Variants in BRWD1 observed in about 807,000 individuals in gnomAD.
The protein encoded by BRWD1 is bromodomain and WD repeat-containing protein 1.
Under a neutral mutation model 251.2 loss-of-function variants are expected in BRWD1, and 82 were observed. The observed-to-expected ratio is 0.33, with a 90% confidence interval of 0.27 to 0.39. The LOEUF is 0.39. Among genes scored for constraint, BRWD1 ranks in the 10% least tolerant of loss-of-function variants. BRWD1 has a pLI of 1.00. For synonymous variants in BRWD1, 918 were observed against 902.8 expected, an observed-to-expected ratio of 1.02 and a Z score of -0.30; for missense variants, 2,233 against 2,711.6, an observed-to-expected ratio of 0.82 and a Z score of 3.92.
chr21:39,268,572 C>T (rs937482574), intron 15 of BRWD1, among the ~76,000 whole-genome samples: 6 of 151,880 alleles, frequency 4.0e-5, no homozygotes, highest in Admixed American at 3.3e-4. Context: ...ACAATCTAAT[C>T]ATGAAAAAAT....
rs777337134 is a variant in BRWD1, at chr21:39,187,340, G to C, written c.*8919C>G. 6.2e-7 allele frequency: 1 copy of C among 1,613,634 alleles called. No homozygotes were observed. The highest frequency in any genetic ancestry group is 1.3e-5 in the African/African-American group (1 of 74,850). On this transcript the variant is annotated 3_prime_UTR_variant, in exon 41 of 41. Transcript: ENST00000342449. ...ATTTTTGCTTTCAGAGTTTCACTAG[G>C]CATCTGCACTGCATCCTTCTGATTA...
At chr21:39,225,267 A>G (rs1298515095) in intron 27 of BRWD1, 70 bp from the exon 28 acceptor site, 9 of 1,106,010 alleles carry the variant, frequency 8.1e-6, no homozygotes, top group African/African-American at 2.0e-5. Flanking sequence ...TAATCTACAA[A>G]ATACCATATG....
chr21:39,313,641 G>A (rs1394811478), upstream of BRWD1: 4 of 494,260 alleles, frequency 8.1e-6, no homozygotes, highest in Non-Finnish European at 1.2e-5. Context: ...CTGGACCGAC[G>A]CCTCCGCGGG....
chr21:39,226,001 C>T (rs961432143), intron 27 of BRWD1, among the ~76,000 whole-genome samples: 14 of 152,076 alleles, frequency 9.2e-5, no homozygotes, highest in African/African-American at 3.1e-4. Flanking sequence ...ATAAAATCAG[C>T]TGCCTCAATT....
rs2031745650 is a variant in BRWD1, at chr21:39,195,181, G to C, written c.*1078C>G. Reference sequence around the variant, plus strand: ...TAGTTGCCCCAGCAAAGAATGCTTAGGATTGCACATGGAAGCAGTAAACTA... The same window carrying C: ...TAGTTGCCCCAGCAAAGAATGCTTACGATTGCACATGGAAGCAGTAAACTA... On this transcript the variant is annotated 3_prime_UTR_variant, in exon 41 of 41. Transcript: ENST00000342449. The C allele has an allele frequency of 2.8e-6, 3 of 1,053,310 alleles. No homozygotes were observed. In the South Asian group the frequency reaches 1.0e-4, roughly 36 times the overall value. The allele number at this position is 1,053,310 out of a possible 1,614,324, so 65.2% of individuals were successfully genotyped here. A position where few individuals can be genotyped will look rare whatever the true frequency, so the allele number is the denominator to read the frequency against.
intron 21 of BRWD1, among the ~76,000 whole-genome samples, chr21:39,240,200 T>C (rs2033941812): frequency 6.6e-6 from 1 of 152,110 alleles, no homozygotes; most frequent in African/African-American, 2.4e-5. Flanking sequence ...AAGATAAAAC[T>C]ATGAAGACAA....
At chr21:39,268,168 T>C (rs1236629168) in intron 15 of BRWD1, among the ~76,000 whole-genome samples, 1 of 152,156 alleles carries the variant, frequency 6.6e-6, no homozygotes, top group Non-Finnish European at 1.5e-5. Flanking sequence ...TCAAAAGCGC[T>C]ACTAAAAAAA....
chr21:39,237,142 A>C (rs912026537), intron 22 of BRWD1, among the ~76,000 whole-genome samples: 1 of 152,148 alleles, frequency 6.6e-6, no homozygotes, highest in Admixed American at 6.5e-5. Flanking sequence ...ACAAAACCCC[A>C]AAAATAGGCC....
intron 10 of BRWD1, 163 bp downstream of exon 10, chr21:39,278,580 G>A (rs2035351989): frequency 1.8e-6 from 1 of 545,180 alleles, no homozygotes; most frequent in South Asian, 3.1e-5. Context: ...CTGGAGGACT[G>A]GAAGAACAAG....
chr21:39,243,521 T>C (rs940493990), intron 21 of BRWD1, among the ~76,000 whole-genome samples: 18 of 152,294 alleles, frequency 1.2e-4, no homozygotes, highest in Admixed American at 3.3e-4. Context: ...CCAAGGCTCA[T>C]TGCAGCCTCA....
chr21:39,256,052 A>T (rs780664842), intron 18 of BRWD1, among the ~76,000 whole-genome samples: 9 of 152,210 alleles, frequency 5.9e-5, no homozygotes, highest in Admixed American at 1.3e-4. Context: ...GCCTGGCCTC[A>T]AGCAATCCTC....
At chr21:39,271,267 G>C (rs574844076) in intron 13 of BRWD1, among the ~76,000 whole-genome samples, 1 of 152,272 alleles carries the variant, frequency 6.6e-6, no homozygotes, top group Non-Finnish European at 1.5e-5. Flanking sequence ...ACTCCAGCCT[G>C]GGTGACAGAG....
intron 21 of BRWD1, among the ~76,000 whole-genome samples, chr21:39,238,969 T>C (rs2033901972): frequency 6.6e-6 from 1 of 152,212 alleles, no homozygotes; most frequent in Non-Finnish European, 1.5e-5. Flanking sequence ...ATATGGTTAT[T>C]TGTCATCTGT....
chr21:39,236,857 T>C, intron 22 of BRWD1, 73 bp from the exon 23 acceptor site: 12 of 1,354,976 alleles, frequency 8.9e-6, no homozygotes, highest in Non-Finnish European at 1.1e-5. Context: ...TCATATAAAA[T>C]TGAGGGAACA....
At chr21:39,210,663 G>A in intron 35 of BRWD1, 123 bp downstream of exon 35, 2 of 1,158,302 alleles carry the variant, frequency 1.7e-6, no homozygotes, top group Non-Finnish European at 2.4e-6. Flanking sequence ...CTAACTTAGT[G>A]ATAGGAGCAA....
intron 37 of BRWD1, among the ~76,000 whole-genome samples, chr21:39,203,655 C>G (rs892854531): frequency 1.3e-5 from 2 of 150,794 alleles, no homozygotes; most frequent in African/African-American, 4.9e-5. Context: ...GATCCACCCA[C>G]CTCGGCCTCC....
chr21:39,285,573 C>T (rs1347487688), intron 8 of BRWD1, among the ~76,000 whole-genome samples: 1 of 152,114 alleles, frequency 6.6e-6, no homozygotes, highest in Non-Finnish European at 1.5e-5. Flanking sequence ...TGAAACATCA[C>T]ACTGTATTCT....
rs561059155 is a variant in BRWD1 at position 39,233,238 on chromosome 21, A to G, written c.2767-740T>C. ...CATCCAACCCTCATCAAGTCCTCAG[A>G]TGACTGCAGCCCCAGTCAACATGTT... On this transcript the variant is annotated intron_variant, in intron 23 of 40. Coordinates refer to ENST00000342449, the MANE Select transcript of BRWD1 (RefSeq NM_033656.4). Among the ~76,000 whole-genome samples the G allele has an allele frequency of 2.0e-5, 3 of 152,300 alleles. No homozygotes were observed. In the South Asian group the frequency reaches 6.2e-4, roughly 32 times the overall value.
intron 4 of BRWD1, among the ~76,000 whole-genome samples, chr21:39,309,967 G>A (rs761839056): frequency 6.6e-6 from 1 of 152,110 alleles, no homozygotes; most frequent in Non-Finnish European, 1.5e-5. Context: ...GAAATGTAGT[G>A]TCTGGAATCT....
Sources: allele counts gnomAD v4.1 joint callset (sites outside exome capture counted in the v4.1 genomes callset), GRCh38; gene constraint gnomAD v4.1.1; transcripts MANE v1.5; gene names NCBI Gene and HGNC (gene_info 2026-07-23, HGNC 2026-07-21).